ADGRL3: variants seen among roughly 807,000 people sequenced by gnomAD.
The protein encoded by ADGRL3 is calcium-independent alpha-latrotoxin receptor 3.
In ADGRL3, 62 loss-of-function variants were observed where a neutral mutation model predicts 153.5. The observed-to-expected ratio is 0.40, with a 90% CI of 0.33 to 0.50. The LOEUF (loss-of-function observed/expected upper bound fraction) is 0.50, where lower values mean the gene tolerates loss of function less well. Among genes scored for constraint, ADGRL3 ranks in the 20% least tolerant of loss-of-function variants. The pLI, the probability that ADGRL3 is intolerant of heterozygous loss-of-function variation, is 0.47. For synonymous variants in ADGRL3, 710 were observed against 672.5 expected (o/e 1.06, Z -0.86); for missense variants, 1,641 against 1,859.4 (o/e 0.88, Z 2.16).
intron 9 of ADGRL3, among the ~76,000 whole-genome samples, chr4:61,878,180 A>AT (rs1329261367): frequency 6.6e-6 from 1 of 152,146 alleles, no homozygotes; most frequent in Non-Finnish European, 1.5e-5. Flanking sequence ...TCCCCTTCTT[A>AT]TAGGGACACC....
intron 5 of ADGRL3, among the ~76,000 whole-genome samples, chr4:61,616,889 G>T (rs187605110): frequency 3.3e-5 from 5 of 151,828 alleles, no homozygotes; most frequent in Admixed American, 2.6e-4. Flanking sequence ...TCCTGGCCTC[G>T]AGCAATACTT....
rs1252506612 is a variant in ADGRL3, at chr4:62,070,587, C to G, written c.4311C>G (p.Thr1437=). Residue 1437 remains threonine (T), a synonymous_variant, in exon 27 of 27, where the codon ACC becomes ACG. Transcript: ENST00000683033. The part of the protein sequence containing the change: ...DHSESFFPLL[T]NEHTEDLQSP... ...GTGAGAGCTTTTTCCCTTTGCTAAC[C>G]AACGAGCACACAGAAGATCTCCAGT... 13 of 1,551,612 alleles carry G rather than the reference C, an allele frequency of 8.4e-6. No individual in the cohort carries two copies. In the African/African-American group the frequency reaches 1.1e-4, roughly 13 times the overall value.
At chr4:61,814,545 G>C (rs1380301942) in intron 9 of ADGRL3, among the ~76,000 whole-genome samples, 1 of 151,900 alleles carries the variant, frequency 6.6e-6, no homozygotes, top group Non-Finnish European at 1.5e-5. Flanking sequence ...GCTGATATGT[G>C]GACATGCTTT....
chr4:61,750,222 C>T lies in ADGRL3; in HGVS notation c.1399+16668C>T, dbSNP rs139124710. Among the ~76,000 whole-genome samples the T allele has an allele frequency of 2.2e-3, 312 of 142,968 alleles. 1 individual carries two copies. The highest frequency in any genetic ancestry group is 4.0e-3 in the Non-Finnish European group (265 of 65,890). 93.8% of individuals were successfully genotyped at this position (142,968 alleles called of 152,430 possible). ...AAAAAAAAAAAGGCAGTATTCCCTACTATTTTTTAGGTGTTTGCTGGCCAT... is the reference window on the plus strand; with the variant it reads ...AAAAAAAAAAAGGCAGTATTCCCTATTATTTTTTAGGTGTTTGCTGGCCAT... On this transcript the variant is annotated intron_variant, in intron 8 of 26. Coordinates refer to ENST00000683033, the MANE Select transcript of ADGRL3 (RefSeq NM_001387552.1).
rs551891304 is a variant in ADGRL3, at chr4:61,208,184, T to C, written c.-240+6419T>C. ...GGATCTAGGCCCTAGATCAAGATAT[T>C]TTGATATCTAGAAAGGCAGAGTGGT... On this transcript the variant is annotated intron_variant, in intron 1 of 26. Transcript: ENST00000683033. Among the ~76,000 whole-genome samples, 5 of 152,142 alleles carry C rather than the reference T, an allele frequency of 3.3e-5. No homozygotes were observed. In the East Asian group the frequency reaches 9.7e-4, roughly 29 times the overall value.
chr4:61,879,893 A>T (rs12505985), intron 9 of ADGRL3, among the ~76,000 whole-genome samples: 146 of 151,816 alleles, frequency 9.6e-4, no homozygotes, highest in African/African-American at 3.2e-3. Flanking sequence ...CTAATTTTTT[A>T]AAAAATTTTT....
At chr4:61,871,279 GAAA>G (rs538933011) in intron 9 of ADGRL3, among the ~76,000 whole-genome samples, 1 of 124,986 alleles carries the variant, frequency 8.0e-6, no homozygotes, top group Non-Finnish European at 1.7e-5. Flanking sequence ...CTCCATCTCA[GAAA>G]AAAAAAAAAA....
chr4:61,610,723 G>A (rs993795485), intron 5 of ADGRL3, among the ~76,000 whole-genome samples: 4 of 151,852 alleles, frequency 2.6e-5, no homozygotes, highest in East Asian at 1.9e-4. Flanking sequence ...TCTGCTTGTC[G>A]GTGGACAGAT....
intron 1 of ADGRL3, among the ~76,000 whole-genome samples, chr4:61,270,344 T>C (rs17090419): frequency 0.28 from 42,644 of 151,568 alleles, 6,085 homozygotes; most frequent in South Asian, 0.37. Context: ...TATTGTTGCC[T>C]GAATAATTAA....
At chr4:62,044,636 A>G (rs1730135780) in intron 25 of ADGRL3, 87 bp downstream of exon 25, 2 of 829,966 alleles carry the variant, frequency 2.4e-6, no homozygotes, top group East Asian at 5.4e-5. Context: ...CAACTTCTGA[A>G]CCTGTTCCAC....
At chr4:61,415,981 G>A (rs1393034881) in intron 2 of ADGRL3, among the ~76,000 whole-genome samples, 1 of 151,794 alleles carries the variant, frequency 6.6e-6, no homozygotes, top group East Asian at 1.9e-4. Flanking sequence ...CTTTTAAAAG[G>A]CTACCTTTTT....
At chr4:61,331,294 G>C (rs978693147) in intron 1 of ADGRL3, among the ~76,000 whole-genome samples, 3 of 152,082 alleles carry the variant, frequency 2.0e-5, no homozygotes, top group African/African-American at 7.2e-5. Flanking sequence ...CATCAGAAAG[G>C]TTATGTAGGA....
chr4:61,492,676 A>G lies in ADGRL3; in HGVS notation c.-173-4445A>G, dbSNP rs188567266. On this transcript the variant is annotated intron_variant, in intron 2 of 26. Transcript: ENST00000683033. ...ATTTAGAAGACTTACTTTTGTTGAA[A>G]GGAATAACAAAAAAATTTGAAATTC... Among the ~76,000 whole-genome samples the G allele has an allele frequency of 9.7e-3, 1,474 of 152,260 alleles. 34 individuals are homozygous for G. Among genetic ancestry groups the G allele is most frequent in the Middle Eastern group, 0.042 (12 of 284 alleles).
At chr4:61,823,281 G>A (rs898814949) in intron 9 of ADGRL3, among the ~76,000 whole-genome samples, 4 of 152,158 alleles carry the variant, frequency 2.6e-5, no homozygotes, top group African/African-American at 7.2e-5. Context: ...TATGTTTAAT[G>A]TCTAAATATC....
intron 24 of ADGRL3, among the ~76,000 whole-genome samples, chr4:62,042,156 A>G (rs533153064): frequency 1.3e-5 from 2 of 152,080 alleles, no homozygotes; most frequent in Non-Finnish European, 2.9e-5. Flanking sequence ...TATGCCAAGT[A>G]TATGTACCTC....
chr4:61,518,159 G>A (rs998108891), intron 4 of ADGRL3, among the ~76,000 whole-genome samples: 2 of 152,162 alleles, frequency 1.3e-5, no homozygotes, highest in Admixed American at 6.5e-5. Flanking sequence ...CTCTTTTCCC[G>A]AACACTTTAC....
At chr4:61,390,596 A>G (rs1344237871) in intron 2 of ADGRL3, among the ~76,000 whole-genome samples, 1 of 152,202 alleles carries the variant, frequency 6.6e-6, no homozygotes, top group Admixed American at 6.5e-5. Context: ...ATTTAAAATT[A>G]GTTATTGTAA....
At chr4:61,727,473 G>C (rs1372511231) in intron 6 of ADGRL3, among the ~76,000 whole-genome samples, 1 of 152,084 alleles carries the variant, frequency 6.6e-6, no homozygotes, top group African/African-American at 2.4e-5. Context: ...CCAGAATTCA[G>C]GATATTGGAC....
chr4:61,313,281 G>C (rs1322219691), intron 1 of ADGRL3, among the ~76,000 whole-genome samples: 2 of 152,180 alleles, frequency 1.3e-5, no homozygotes, highest in Non-Finnish European at 2.9e-5. Context: ...TTTTAGGGCA[G>C]TGAGAGTACT....
Sources: allele counts gnomAD v4.1 joint callset (sites outside exome capture counted in the v4.1 genomes callset), GRCh38; gene constraint gnomAD v4.1.1; transcripts MANE v1.5; gene names NCBI Gene and HGNC (gene_info 2026-07-23, HGNC 2026-07-21).